LIN28B: variants seen among roughly 807,000 people sequenced by gnomAD.
The protein encoded by LIN28B is protein lin-28 homolog B.
A neutral mutation model predicts 21.9 loss-of-function variants in LIN28B; 5 were observed. That is an observed-to-expected ratio of 0.23 (90% confidence interval 0.12 to 0.48). LIN28B has a LOEUF of 0.48. LIN28B is among the 20% of genes least tolerant of loss of function. The pLI is 0.98. For synonymous variants in LIN28B, 109 were observed against 111.3 expected (o/e 0.98, Z 0.13); for missense variants, 245 against 310.5 (o/e 0.79, Z 1.58).
chr6:104,982,999 G>A lies in LIN28B; in HGVS notation c.198+24713G>A, dbSNP rs111265861. 7.0e-3 allele frequency among the ~76,000 whole-genome samples: 1,071 copies of A among 152,010 alleles called. 11 individuals carry two copies. Among genetic ancestry groups the A allele is most frequent in the African/African-American group, 0.024 (990 of 41,416 alleles). ...TTTTATTTTTTTTTGGTAGAGACAG[G>A]GTCTTATTCTGTTTCCCAGGCTGGT... is the stretch of plus-strand genomic sequence containing the variant. On this transcript the variant is annotated intron_variant, in intron 2 of 3. Coordinates refer to ENST00000345080, the MANE Select transcript of LIN28B (RefSeq NM_001004317.4).
At chr6:105,062,714 G>A (rs909599318) in intron 3 of LIN28B, among the ~76,000 whole-genome samples, 1 of 151,952 alleles carries the variant, frequency 6.6e-6, no homozygotes, top group Non-Finnish European at 1.5e-5. Flanking sequence ...AGAGGTTCCA[G>A]CTTATTGTTC....
intron 2 of LIN28B, among the ~76,000 whole-genome samples, chr6:104,974,243 C>T (rs987156226): frequency 6.6e-6 from 1 of 152,042 alleles, no homozygotes; most frequent in Non-Finnish European, 1.5e-5. Flanking sequence ...GTAATCCTAG[C>T]ACTTTGGGAG....
intron 2 of LIN28B, among the ~76,000 whole-genome samples, chr6:104,943,048 T>A (rs1452317403): frequency 1.3e-5 from 2 of 152,156 alleles, no homozygotes; most frequent in African/African-American, 4.8e-5. Context: ...GATTTAAATT[T>A]AAAAATCGCT....
intron 2 of LIN28B, among the ~76,000 whole-genome samples, chr6:104,990,976 A>T (rs1387586674): frequency 6.6e-6 from 1 of 152,230 alleles, no homozygotes; most frequent in Non-Finnish European, 1.5e-5. Context: ...ACACAGACAC[A>T]GCAACAATCT....
chr6:104,940,063 A>G (rs1778060283), intron 2 of LIN28B: 1 of 157,170 alleles, frequency 6.4e-6, no homozygotes, highest in African/African-American at 2.4e-5. Flanking sequence ...GTATCATCCA[A>G]TTTGACGTTG....
chr6:105,052,804 G>A (rs1005797946), intron 3 of LIN28B, among the ~76,000 whole-genome samples: 7 of 151,948 alleles, frequency 4.6e-5, no homozygotes, highest in Non-Finnish European at 8.8e-5. Flanking sequence ...CTAACTAGGA[G>A]TTTATTCATT....
At chr6:104,954,880 A>G (rs896529783), upstream of LIN28B, among the ~76,000 whole-genome samples, 1 of 152,186 alleles carries the variant, frequency 6.6e-6, no homozygotes, top group African/African-American at 2.4e-5. Context: ...TTCTGAATCT[A>G]CCTACATTAT....
chr6:105,069,052 A>G (rs1305286255), intron 3 of LIN28B, among the ~76,000 whole-genome samples: 1 of 152,096 alleles, frequency 6.6e-6, no homozygotes, highest in Non-Finnish European at 1.5e-5. Flanking sequence ...CCCTGACTCT[A>G]CTAAAAATAC....
Position 105,078,894 on chromosome 6 carries a change from T to C in LIN28B, c.*111T>C, listed in dbSNP as rs1195609066. 4 of 1,274,108 alleles carry C rather than the reference T, an allele frequency of 3.1e-6. No individual in the cohort carries two copies. The highest frequency in any genetic ancestry group is 4.7e-5 in the Admixed American group (2 of 42,574). 78.9% of individuals were successfully genotyped at this position (1,274,108 alleles called of 1,614,324 possible). A position where few individuals can be genotyped will look rare whatever the true frequency, so the allele number is the denominator to read the frequency against. On this transcript the variant is annotated 3_prime_UTR_variant, in exon 4 of 4. Coordinates refer to ENST00000345080, the MANE Select transcript of LIN28B (RefSeq NM_001004317.4). ...AGCTGACCTGGGATTTTAACTACTATTGGGGAACTGTGAATTTTTTAAACA... is the reference window on the plus strand; with the variant it reads ...AGCTGACCTGGGATTTTAACTACTACTGGGGAACTGTGAATTTTTTAAACA...
intron 3 of LIN28B, among the ~76,000 whole-genome samples, chr6:105,034,260 A>G (rs975176379): frequency 3.9e-5 from 6 of 151,932 alleles, no homozygotes; most frequent in South Asian, 2.1e-4. Flanking sequence ...ACATATTCCA[A>G]GAAGTGTCAT....
intron 2 of LIN28B, among the ~76,000 whole-genome samples, chr6:105,007,325 A>C (rs1770837685): frequency 6.6e-6 from 1 of 152,204 alleles, no homozygotes; most frequent in African/African-American, 2.4e-5. Flanking sequence ...TATTATTCAA[A>C]ATAATTTATT....
At chr6:104,949,823 A>G (rs1425326397) in intron 2 of LIN28B, among the ~76,000 whole-genome samples, 1 of 152,226 alleles carries the variant, frequency 6.6e-6, no homozygotes, top group Non-Finnish European at 1.5e-5. Context: ...TATTAGAAAC[A>G]TCAATATTTA....
intron 3 of LIN28B, among the ~76,000 whole-genome samples, chr6:105,068,050 C>T (rs1582930676): frequency 6.6e-6 from 1 of 152,114 alleles, no homozygotes; most frequent in Non-Finnish European, 1.5e-5. Context: ...GTGAATAGAG[C>T]TATTACTGTA....
intron 2 of LIN28B, among the ~76,000 whole-genome samples, chr6:105,006,451 A>G (rs1770816716): frequency 6.6e-6 from 1 of 152,120 alleles, no homozygotes; most frequent in Non-Finnish European, 1.5e-5. Flanking sequence ...AGCTGGGACT[A>G]CAGGCACCCG....
intron 2 of LIN28B, among the ~76,000 whole-genome samples, chr6:104,980,067 T>C (rs1582876279): frequency 6.6e-6 from 1 of 152,176 alleles, no homozygotes. Context: ...TCCTCTTTAA[T>C]AGGCAAGTTA....
upstream of LIN28B, among the ~76,000 whole-genome samples, chr6:104,954,506 T>C (rs1256314665): frequency 6.6e-6 from 1 of 152,182 alleles, no homozygotes; most frequent in Non-Finnish European, 1.5e-5. Flanking sequence ...TCCTTTTCCC[T>C]CTACCCTTCC....
chr6:105,060,295 G>A (rs1261843915), intron 3 of LIN28B, among the ~76,000 whole-genome samples: 2 of 147,214 alleles, frequency 1.4e-5, no homozygotes, highest in African/African-American at 5.0e-5. Flanking sequence ...ATAGGGTCTC[G>A]CCTTTTTGCC....
At chr6:105,056,377 T>C (rs1236951406) in intron 3 of LIN28B, among the ~76,000 whole-genome samples, 1 of 152,100 alleles carries the variant, frequency 6.6e-6, no homozygotes, top group Non-Finnish European at 1.5e-5. Flanking sequence ...TTTGCCAATT[T>C]TGTTTTTATT....
In LIN28B at chr6:105,081,875, C is replaced by CT. The variant is rs1182558762; in HGVS notation, c.*3093dup. On this transcript the variant is annotated 3_prime_UTR_variant, in exon 4 of 4. Coordinates refer to ENST00000345080, the MANE Select transcript of LIN28B (RefSeq NM_001004317.4). ...CAGCATTATAGCCCCAGGCACATAA[C>CT]TAACTAGCACTGGCTTGCCAAGGAA... 4 of 152,676 alleles carry CT rather than the reference C, an allele frequency of 2.6e-5. No homozygotes were observed. Among genetic ancestry groups the CT allele is most frequent in the Non-Finnish European group, 5.9e-5 (4 of 68,058 alleles). The allele number at this position is 152,676 out of a possible 1,614,324, so 9.5% of individuals were successfully genotyped here.
Sources: allele counts gnomAD v4.1 joint callset (sites outside exome capture counted in the v4.1 genomes callset), GRCh38; gene constraint gnomAD v4.1.1; transcripts MANE v1.5; gene names NCBI Gene and HGNC (gene_info 2026-07-23, HGNC 2026-07-21).